The following RASA3 variants were observed in gnomAD, a reference collection of about 807,000 sequenced individuals.
The protein encoded by RASA3 is RAS p21 protein activator 3.
A neutral mutation model predicts 110.0 loss-of-function variants in RASA3; 73 were observed. That is an observed-to-expected ratio of 0.66 (90% confidence interval 0.55 to 0.81). RASA3 has a LOEUF of 0.81. Among genes scored for constraint, RASA3 ranks in the 30% least tolerant of loss-of-function variants. The probability of loss-of-function intolerance (pLI) is 0.00; values close to 1 mark genes in which losing one functional copy is unlikely to be tolerated. For missense variants in RASA3, 976 were observed against 1,113.2 expected (o/e 0.88, Z 1.75); for synonymous variants, 500 against 451.4 (o/e 1.11, Z -1.37).
chr13:114,127,523 C>T (rs1485809774), intron 1 of RASA3, among the ~76,000 whole-genome samples: 1 of 152,248 alleles, frequency 6.6e-6, no homozygotes, highest in Non-Finnish European at 1.5e-5. Flanking sequence ...CTGCCTGCCT[C>T]GTGTCCCTAA....
At chr13:114,087,450 T>C (rs1374314979) in intron 1 of RASA3, among the ~76,000 whole-genome samples, 1 of 152,024 alleles carries the variant, frequency 6.6e-6, no homozygotes, top group African/African-American at 2.4e-5. Context: ...GCAGCAGGAG[T>C]CCACGCAGAG....
chr13:114,131,219 A>C (rs140914933), intron 1 of RASA3, among the ~76,000 whole-genome samples: 1 of 152,172 alleles, frequency 6.6e-6, no homozygotes, highest in Non-Finnish European at 1.5e-5. Flanking sequence ...GGCAGCATCA[A>C]ATGTCATCAA....
chr13:114,059,649 C>T (rs916889903), intron 2 of RASA3, among the ~76,000 whole-genome samples: 1 of 152,250 alleles, frequency 6.6e-6, no homozygotes, highest in Admixed American at 6.5e-5. Context: ...AGCGGCCTCC[C>T]CAGGACACAC....
intron 16 of RASA3, 110 bp from the exon 17 acceptor site, chr13:114,009,574 G>A: frequency 2.6e-6 from 2 of 756,262 alleles, no homozygotes; most frequent in Non-Finnish European, 4.5e-6. Context: ...ACGATAAACA[G>A]GCAAAGAACC....
At chr13:114,045,163 C>T (rs543622286) in intron 3 of RASA3, among the ~76,000 whole-genome samples, 1 of 152,312 alleles carries the variant, frequency 6.6e-6, no homozygotes, top group South Asian at 2.1e-4. Context: ...TTCGTATCTC[C>T]AGATGCTGAC....
chr13:114,116,996 A>AGGGGTGCACG (rs2080288981), intron 1 of RASA3, among the ~76,000 whole-genome samples: 3 of 34,540 alleles, frequency 8.7e-5, no homozygotes, highest in African/African-American at 1.2e-4. Context: ...AGGGATGCAC[A>AGGGGTGCACG]TGTGTGAGGG....
intron 22 of RASA3, 68 bp downstream of exon 22, chr13:113,992,417 T>A: frequency 7.9e-7 from 1 of 1,269,156 alleles, no homozygotes; most frequent in South Asian, 1.2e-5. Flanking sequence ...CCCCACAGCA[T>A]GCTCCTGAGG....
Position 113,979,412 on chromosome 13 carries a change from T to C in RASA3, c.2440A>G (p.Ile814Val), listed in dbSNP as rs747666054. 7 of 1,600,868 alleles carry C rather than the reference T, an allele frequency of 4.4e-6. No homozygotes were observed. Among genetic ancestry groups the C allele is most frequent in the Non-Finnish European group, 5.1e-6 (6 of 1,168,220 alleles). ...TAGTTCTGGAAGCTCTTGTCTCCGA[T>C]GGGGTGCTCCCTGAAAAGGGGGATG... is the stretch of plus-strand genomic sequence containing the variant. ...KTKYGSQEHP[I>V]GDKSFQNYIR... The change falls in exon 24 of 24, where the codon ATC becomes GTC. Residue 814 changes from isoleucine to valine, a missense_variant. This residue lies in a region of RASA3 where 132 missense variants were observed against 152.8 expected (regional missense o/e 0.86). Transcript: ENST00000334062.
intron 2 of RASA3, among the ~76,000 whole-genome samples, chr13:114,061,107 C>T (rs1189812662): frequency 6.8e-6 from 1 of 148,000 alleles, no homozygotes; most frequent in East Asian, 1.9e-4. Context: ...CACTTAAAAG[C>T]ACTTAGAGTT....
chr13:114,082,220 C>G (rs535753418), intron 1 of RASA3, among the ~76,000 whole-genome samples: 7 of 152,334 alleles, frequency 4.6e-5, no homozygotes, highest in African/African-American at 1.7e-4. Context: ...GGCAGGAGGC[C>G]AGAGACGTCC....
intron 8 of RASA3, 53 bp from the exon 9 acceptor site, chr13:114,021,561 G>T: frequency 6.9e-7 from 1 of 1,453,484 alleles, no homozygotes; most frequent in Non-Finnish European, 9.6e-7. Context: ...CCCGTGTGGA[G>T]CAAAGATGAC....
At position 114,018,771 on chromosome 13, in the gene RASA3, C is replaced by T. The variant is rs765482939; in HGVS notation, c.934G>A (p.Asp312Asn). 3 of 1,613,144 alleles carry T rather than the reference C, an allele frequency of 1.9e-6. No homozygotes were observed. The highest frequency in any genetic ancestry group is 1.1e-5 in the South Asian group (1 of 91,092). Residue 312 changes from aspartate to asparagine, a missense_variant, in exon 10 of 24, where the codon GAT becomes AAT. By Grantham distance (23) the Asp-to-Asn change is conservative (BLOSUM62 1). This residue lies in a region of RASA3 where 732 missense variants were observed against 779.7 expected (regional missense o/e 0.94). Coordinates refer to ENST00000334062, the MANE Select transcript of RASA3 (RefSeq NM_007368.4). Reference sequence around the variant, plus strand: ...ACGGCGTGGACAAGCACCTCCACATCCGCAGACTTCAACAGCAGGTCCCGC... The same window carrying T: ...ACGGCGTGGACAAGCACCTCCACATTCGCAGACTTCAACAGCAGGTCCCGC... ...PLRDLLLKSA[D>N]VEPVSASAAH...
At chr13:114,013,007 CTCCTG>C (rs2053674454) in intron 15 of RASA3, 130 bp downstream of exon 15, 12 of 666,512 alleles carry the variant, frequency 1.8e-5, no homozygotes, top group Non-Finnish European at 7.7e-6. Context: ...TCCCCACTCA[CTCCTG>C]ATTCCTCACA....
At chr13:114,053,138 G>A (rs556192386) in intron 2 of RASA3, among the ~76,000 whole-genome samples, 8 of 152,110 alleles carry the variant, frequency 5.3e-5, no homozygotes, top group Admixed American at 1.3e-4. Context: ...CCTTGCTCCC[G>A]GAGGAGAGGC....
chr13:114,083,544 CGGGG>C (rs2079816228), intron 1 of RASA3, among the ~76,000 whole-genome samples: 3 of 140,066 alleles, frequency 2.1e-5, no homozygotes, highest in South Asian at 2.3e-4. Context: ...TTCGTCCTCG[CGGGG>C]AAATCACGGG....
At chr13:114,082,881 T>A (rs1351306071) in intron 1 of RASA3, among the ~76,000 whole-genome samples, 1 of 152,292 alleles carries the variant, frequency 6.6e-6, no homozygotes, top group East Asian at 1.9e-4. Context: ...TCACAAAAAA[T>A]AATGAGATAC....
chr13:114,055,191 A>G (rs1310297179), intron 2 of RASA3, among the ~76,000 whole-genome samples: 1 of 152,154 alleles, frequency 6.6e-6, no homozygotes, highest in African/African-American at 2.4e-5. Context: ...TGCATGTGCC[A>G]TGCATGTGCC....
chr13:114,015,111 G>T, intron 14 of RASA3, 98 bp downstream of exon 14: 1 of 1,513,400 alleles, frequency 6.6e-7, no homozygotes, highest in Non-Finnish European at 9.0e-7. Context: ...CGCAGTTCTA[G>T]TCTAGCCAGG....
At chr13:114,001,980 G>A (rs1360061890) in intron 18 of RASA3, among the ~76,000 whole-genome samples, 1 of 152,280 alleles carries the variant, frequency 6.6e-6, no homozygotes, top group African/African-American at 2.4e-5. Context: ...TCAGCGAGGA[G>A]GACCTCAAGC....
Sources: gnomAD v4.1 joint callset for allele counts (sites outside exome capture counted in the v4.1 genomes callset) on GRCh38, gnomAD v4.1.1 for gene constraint, gnomAD v4.1.1 regional missense constraint, MANE v1.5 for transcripts, NCBI Gene and HGNC (gene_info 2026-07-23, HGNC 2026-07-21) for gene names.